TSHZ2: variants seen among roughly 807,000 people sequenced by gnomAD.
The protein encoded by TSHZ2 is teashirt homolog 2.
A neutral mutation model predicts 74.4 loss-of-function variants in TSHZ2; 21 were observed. The observed-to-expected ratio is 0.28, with a 90% CI of 0.20 to 0.41. The LOEUF (loss-of-function observed/expected upper bound fraction) is 0.41. Ranked by LOEUF, TSHZ2 falls within the 10% of genes least tolerant of loss-of-function variation. The pLI, the probability that TSHZ2 is intolerant of heterozygous loss-of-function variation, is 1.00. For synonymous variants in TSHZ2, 540 were observed against 515.3 expected, an observed-to-expected ratio of 1.05 and a Z score of -0.65; for missense variants, 1,244 against 1,293.5, an observed-to-expected ratio of 0.96 and a Z score of 0.59.
chr20:53,061,126 A>T (rs893565412), intron 1 of TSHZ2, among the ~76,000 whole-genome samples: 1 of 152,256 alleles, frequency 6.6e-6, no homozygotes, highest in African/African-American at 2.4e-5. Context: ...TGAATGAATT[A>T]ATCAATGAAT....
intron 1 of TSHZ2, among the ~76,000 whole-genome samples, chr20:53,230,118 C>T (rs1016063542): frequency 1.3e-5 from 2 of 152,078 alleles, no homozygotes; most frequent in Non-Finnish European, 2.9e-5. Context: ...CCCACCTGTT[C>T]TAGTATGAAC....
chr20:53,159,787 CATTT>C (rs1042729429), intron 1 of TSHZ2, among the ~76,000 whole-genome samples: 1 of 151,948 alleles, frequency 6.6e-6, no homozygotes, highest in African/African-American at 2.4e-5. Flanking sequence ...TTTTTTCATT[CATTT>C]GACAAATATT....
chr20:53,004,693 C>T (rs947010886), intron 1 of TSHZ2, among the ~76,000 whole-genome samples: 4 of 152,034 alleles, frequency 2.6e-5, no homozygotes, highest in Admixed American at 6.6e-5. Context: ...AATGTGTGGG[C>T]GTCCGTGTGA....
intron 1 of TSHZ2, among the ~76,000 whole-genome samples, chr20:53,200,955 G>A (rs1358017962): frequency 6.6e-6 from 1 of 152,042 alleles, no homozygotes; most frequent in Non-Finnish European, 1.5e-5. Context: ...TGGGTTGATA[G>A]TAAATGAAGA....
At chr20:53,035,904 T>C (rs140035012) in intron 1 of TSHZ2, among the ~76,000 whole-genome samples, 2 of 152,314 alleles carry the variant, frequency 1.3e-5, no homozygotes, top group Non-Finnish European at 2.9e-5. Flanking sequence ...TGAAGACCTA[T>C]TCATAAGTGT....
intron 1 of TSHZ2, among the ~76,000 whole-genome samples, chr20:53,100,672 T>A (rs889645124): frequency 2.0e-5 from 3 of 152,140 alleles, no homozygotes; most frequent in African/African-American, 7.2e-5. Flanking sequence ...CATCAAACCT[T>A]TTTGCCTGCT....
chr20:53,204,352 A>ATATACTATATCATCATATAACAT (rs1989105995), intron 1 of TSHZ2, among the ~76,000 whole-genome samples: 6 of 145,710 alleles, frequency 4.1e-5, no homozygotes, highest in African/African-American at 1.5e-4. Context: ...TAACATGATG[A>ATATACTATATCATCATATAACAT]TATGATACTA....
chr20:53,430,264 C>T (rs1328824485), intron 2 of TSHZ2, among the ~76,000 whole-genome samples: 1 of 151,796 alleles, frequency 6.6e-6, no homozygotes, highest in East Asian at 1.9e-4. Context: ...TCCAACACAC[C>T]CAGCTGATTT....
At chr20:53,108,472 C>T (rs551643509) in intron 1 of TSHZ2, among the ~76,000 whole-genome samples, 2 of 152,306 alleles carry the variant, frequency 1.3e-5, no homozygotes, top group South Asian at 2.1e-4. Flanking sequence ...GAAGACGGTA[C>T]GTGTTACCCT....
chr20:53,080,953 T>C (rs1367349320), intron 1 of TSHZ2, among the ~76,000 whole-genome samples: 9 of 152,180 alleles, frequency 5.9e-5, no homozygotes, highest in Admixed American at 5.9e-4. Context: ...GGTCCCACTG[T>C]GTAGTGACAA....
intron 1 of TSHZ2, among the ~76,000 whole-genome samples, chr20:53,140,502 T>C (rs1987365393): frequency 7.7e-6 from 1 of 129,774 alleles, no homozygotes; most frequent in Admixed American, 9.7e-5. Context: ...ATCACGCCAC[T>C]GCACTCCAGC....
intron 1 of TSHZ2, among the ~76,000 whole-genome samples, chr20:53,051,974 G>A (rs1488083991): frequency 7.4e-6 from 1 of 135,076 alleles, no homozygotes; most frequent in Non-Finnish European, 1.5e-5. Flanking sequence ...ACATTTTTAA[G>A]TGTATTAAGA....
At chr20:53,417,592 C>T (rs1983316889) in intron 2 of TSHZ2, among the ~76,000 whole-genome samples, 1 of 152,110 alleles carries the variant, frequency 6.6e-6, no homozygotes, top group Non-Finnish European at 1.5e-5. Flanking sequence ...CCACTGCACC[C>T]GGCTGTTCAC....
intron 1 of TSHZ2, among the ~76,000 whole-genome samples, chr20:53,016,231 T>G (rs185169135): frequency 2.4e-4 from 37 of 152,278 alleles, no homozygotes; most frequent in Non-Finnish European, 4.7e-4. Context: ...AGGCCAGCAC[T>G]GCCTAGGACT....
intron 2 of TSHZ2, among the ~76,000 whole-genome samples, chr20:53,369,423 G>A (rs1427292498): frequency 1.3e-5 from 2 of 152,098 alleles, no homozygotes; most frequent in African/African-American, 4.8e-5. Context: ...AGTCCCTGAG[G>A]AGGCCGAGCG....
At chr20:53,089,701 C>T (rs890596744) in intron 1 of TSHZ2, among the ~76,000 whole-genome samples, 1 of 152,156 alleles carries the variant, frequency 6.6e-6, no homozygotes, top group Admixed American at 6.5e-5. Flanking sequence ...TAAGAGAACT[C>T]CCTGATAGGG....
At chr20:53,286,059 AGTT>A (rs1197260906) in intron 2 of TSHZ2, among the ~76,000 whole-genome samples, 5 of 152,088 alleles carry the variant, frequency 3.3e-5, no homozygotes, top group Non-Finnish European at 5.9e-5. Flanking sequence ...TATGGAGTGC[AGTT>A]GTTGTAGCAT....
At position 53,169,824 on chromosome 20, in the gene TSHZ2, C is replaced by A. The variant is rs74969113; in HGVS notation, c.41-83675C>A. Among the ~76,000 whole-genome samples the A allele has an allele frequency of 9.6e-4, 146 of 152,124 alleles. 1 individual carries two copies. In the East Asian group the frequency reaches 0.024, roughly 25 times the overall value. ...GCACATGTGCATGCCCAGGTATGTGCCTATATATACATTGTATATTATACT... is the reference window on the plus strand; with the variant it reads ...GCACATGTGCATGCCCAGGTATGTGACTATATATACATTGTATATTATACT... On this transcript the variant is annotated intron_variant, in intron 1 of 2. Transcript: ENST00000371497.
chr20:53,037,504 A>C (rs1983864621), intron 1 of TSHZ2, among the ~76,000 whole-genome samples: 1 of 152,230 alleles, frequency 6.6e-6, no homozygotes, highest in Non-Finnish European at 1.5e-5. Context: ...ATAGATCTTC[A>C]AATCATCCCC....
Sources: allele counts gnomAD v4.1 joint callset (sites outside exome capture counted in the v4.1 genomes callset), GRCh38; gene constraint gnomAD v4.1.1; transcripts MANE v1.5; gene names NCBI Gene and HGNC (gene_info 2026-07-23, HGNC 2026-07-21).